The following ZNF600 variants were observed in gnomAD, a reference collection of about 807,000 sequenced individuals.
The protein encoded by ZNF600 is zinc finger protein KR-ZNF1.
In ZNF600, 4 loss-of-function variants were observed where a neutral mutation model predicts 7.3. The observed-to-expected ratio is 0.55, with a 90% CI of 0.27 to 1.25. The LOEUF is 1.25. Among genes scored for constraint, ZNF600 ranks in the 50% most tolerant of loss-of-function variants. The pLI is 0.12. For missense variants in ZNF600, 911 were observed against 922.1 expected (o/e 0.99, Z 0.16); for synonymous variants, 290 against 308.9 (o/e 0.94, Z 0.64).
chr19:52,825,274 C>T, the ZNF600 span, among the ~76,000 whole-genome samples: 1 of 152,124 alleles, frequency 6.6e-6, no homozygotes, highest in Non-Finnish European at 1.5e-5. Context: ...ACTCACGTGT[C>T]TTCATTCAGA....
the ZNF600 span, among the ~76,000 whole-genome samples, chr19:52,802,854 G>C: frequency 6.7e-6 from 1 of 149,340 alleles, no homozygotes; most frequent in African/African-American, 2.5e-5. Flanking sequence ...TCCACCTCCC[G>C]GGTTCACGCC....
the ZNF600 span, among the ~76,000 whole-genome samples, chr19:52,832,113 T>C: frequency 1.9e-5 from 2 of 103,892 alleles, no homozygotes; most frequent in Non-Finnish European, 4.4e-5. Flanking sequence ...CTCGAGAGGC[T>C]CAGGCAAAAG....
At chr19:52,823,205 G>T in the ZNF600 span, among the ~76,000 whole-genome samples, 983 of 152,056 alleles carry the variant, frequency 6.5e-3, 12 homozygotes, top group African/African-American at 0.021. Flanking sequence ...TGCACTTTTT[G>T]TTTTGTTTTG....
chr19:52,814,158 G>A, the ZNF600 span: 1 of 146,792 alleles, frequency 6.8e-6, no homozygotes, highest in Non-Finnish European at 1.5e-5. Context: ...CCCCAGGGAG[G>A]CTGGAAGGAG....
At chr19:52,819,827 A>G in the ZNF600 span, among the ~76,000 whole-genome samples, 1 of 143,610 alleles carries the variant, frequency 7.0e-6, no homozygotes, top group South Asian at 2.3e-4. Context: ...CAAGAAAATC[A>G]CACTAACATT....
At chr19:52,767,063 T>A (rs755676931) in exon 4 of ZNF600, 1 of 1,614,164 alleles carries the variant, frequency 6.2e-7, no homozygotes, top group Non-Finnish European at 8.5e-7. Flanking sequence ...ATGTAAGGGA[T>A]GATACCTGAC....
the ZNF600 span, among the ~76,000 whole-genome samples, chr19:52,816,164 G>A: frequency 0.011 from 1,560 of 146,744 alleles, 248 homozygotes; most frequent in African/African-American, 0.039. Flanking sequence ...AGCTTTGCTT[G>A]GAGTTTTACC....
the ZNF600 span, among the ~76,000 whole-genome samples, chr19:52,803,663 T>A: frequency 6.6e-6 from 1 of 152,138 alleles, no homozygotes; most frequent in Non-Finnish European, 1.5e-5. Flanking sequence ...TACAGCATTA[T>A]AAAGAATGAG....
chr19:52,780,125 C>T (rs1320608568), intron 1 of ZNF600, among the ~76,000 whole-genome samples: 1 of 152,224 alleles, frequency 6.6e-6, no homozygotes, highest in African/African-American at 2.4e-5. Flanking sequence ...GTTCTCCCAC[C>T]TTCCCAGACC....
chr19:52,801,187 T>C, the ZNF600 span: 36 of 1,614,088 alleles, frequency 2.2e-5, no homozygotes, highest in Non-Finnish European at 3.1e-5. Flanking sequence ...GATTTGCCAC[T>C]CTCAATACAT....
the ZNF600 span, chr19:52,807,920 T>A: frequency 2.5e-6 from 4 of 1,585,148 alleles, no homozygotes; most frequent in African/African-American, 4.1e-5. Context: ...GGCTTCCATT[T>A]TAGTCAAGTA....
At chr19:52,812,771 A>T in the ZNF600 span, among the ~76,000 whole-genome samples, 2 of 119,588 alleles carry the variant, frequency 1.7e-5, no homozygotes, top group Admixed American at 8.6e-5. Flanking sequence ...ATAAAAAAAA[A>T]AAAAAAAAAA....
intron 1 of ZNF600, among the ~76,000 whole-genome samples, chr19:52,779,969 CTG>C (rs1401181539): frequency 6.6e-6 from 1 of 152,026 alleles, no homozygotes. Context: ...TGAGCCAAGA[CTG>C]TGCCACTGCA....
At chr19:52,801,663 G>A in the ZNF600 span, 1 of 1,611,392 alleles carries the variant, frequency 6.2e-7, no homozygotes, top group African/African-American at 1.3e-5. Flanking sequence ...GCCTTGCCCT[G>A]TTGAGAAGAA....
chr19:52,775,408 G>A (rs141387992), intron 2 of ZNF600, among the ~76,000 whole-genome samples: 1,550 of 151,904 alleles, frequency 0.01, 23 homozygotes, highest in Admixed American at 0.016. Context: ...AAATTAGCTG[G>A]GTGTCGTGGT....
At chr19:52,800,439 C>A in the ZNF600 span, 19 of 1,613,344 alleles carry the variant, frequency 1.2e-5, no homozygotes, top group Non-Finnish European at 1.5e-5. Flanking sequence ...ACATTCTTCA[C>A]ATTTGTATGG....
chr19:52,779,251 C>A (rs184369873), intron 1 of ZNF600, among the ~76,000 whole-genome samples: 44 of 152,302 alleles, frequency 2.9e-4, no homozygotes, highest in Non-Finnish European at 4.7e-4. Context: ...TGAGCTCAGC[C>A]CTCAGAAATG....
upstream of ZNF600, among the ~76,000 whole-genome samples, chr19:52,787,524 A>G (rs1478530081): frequency 6.9e-6 from 1 of 144,228 alleles, no homozygotes; most frequent in East Asian, 2.1e-4. Flanking sequence ...CTCCTGCCTC[A>G]GCCTTTCGAG....
At chr19:52,804,020 A>G in the ZNF600 span, among the ~76,000 whole-genome samples, 1 of 152,228 alleles carries the variant, frequency 6.6e-6, no homozygotes. Context: ...GGTATTCTCT[A>G]ATAGGATGTT....
Sources: gnomAD v4.1 joint callset for allele counts (sites outside exome capture counted in the v4.1 genomes callset) on GRCh38, gnomAD v4.1.1 for gene constraint, MANE v1.5 for transcripts, NCBI Gene and HGNC (gene_info 2026-07-23, HGNC 2026-07-21) for gene names.